The following PLS1 variants were observed in gnomAD, a reference collection of about 807,000 sequenced individuals.
PLS1 encodes the protein plastin 1.
Under a neutral mutation model 73.7 loss-of-function variants are expected in PLS1, and 32 were observed. The ratio of observed to expected loss-of-function variants is 0.43; its 90% CI spans 0.33 to 0.58. The LOEUF (loss-of-function observed/expected upper bound fraction) is 0.58, where lower values mean the gene tolerates loss of function less well. Among genes scored for constraint, PLS1 ranks in the 20% least tolerant of loss-of-function variants. The probability of loss-of-function intolerance (pLI) is 0.04; values close to 1 mark genes in which losing one functional copy is unlikely to be tolerated. For missense variants in PLS1, 633 were observed against 740.5 expected (o/e 0.85, Z 1.68); for synonymous variants, 217 against 261.3 (o/e 0.83, Z 1.63).
At chr3:142,685,002 T>A (rs2037934448) in intron 8 of PLS1, among the ~76,000 whole-genome samples, 1 of 152,208 alleles carries the variant, frequency 6.6e-6, no homozygotes, top group Non-Finnish European at 1.5e-5. Context: ...TTCTTCTCTC[T>A]GTTTCTTTAT....
intron 1 of PLS1, among the ~76,000 whole-genome samples, chr3:142,662,301 A>C (rs1189817664): frequency 2.6e-5 from 4 of 152,196 alleles, no homozygotes; most frequent in African/African-American, 9.6e-5. Context: ...TTCTCAGCAA[A>C]CTAACACAAG....
At position 142,660,049 on chromosome 3, in the gene PLS1, C is replaced by A. The variant is rs1001103105; in HGVS notation, c.-36-4153C>A. ...GATAAAATTGGATTTGATCTTTTAT[C>A]CTCCCTCAGATTTCTTCCTTGAGCC... On this transcript the variant is annotated intron_variant, in intron 1 of 15. Coordinates refer to ENST00000457734, the MANE Select transcript of PLS1 (RefSeq NM_001145319.2). Among the ~76,000 whole-genome samples, 7 of 152,174 alleles carry A rather than the reference C, an allele frequency of 4.6e-5. No homozygotes were observed. The East Asian group carries it at 1.2e-3, about 25-fold the overall frequency.
chr3:142,710,335 A>G (rs1933057420), intron 14 of PLS1, among the ~76,000 whole-genome samples: 8 of 152,136 alleles, frequency 5.3e-5, no homozygotes, highest in Admixed American at 1.3e-4. Context: ...ACATAGGCCC[A>G]AATTAAATTA....
chr3:142,628,329 G>A (rs1013814558), intron 1 of PLS1, among the ~76,000 whole-genome samples: 5 of 150,210 alleles, frequency 3.3e-5, no homozygotes, highest in East Asian at 3.9e-4. Flanking sequence ...CCAGAATATA[G>A]TGTGTGTGTG....
At chr3:142,687,538 T>C (rs2037996656) in intron 9 of PLS1, among the ~76,000 whole-genome samples, 1 of 152,188 alleles carries the variant, frequency 6.6e-6, no homozygotes, top group Admixed American at 6.6e-5. Context: ...CAAATCATTT[T>C]AAGTAAAAAA....
At chr3:142,707,060 G>A (rs1485611265) in intron 14 of PLS1, among the ~76,000 whole-genome samples, 1 of 152,196 alleles carries the variant, frequency 6.6e-6, no homozygotes, top group Non-Finnish European at 1.5e-5. Context: ...AGCAACCCTA[G>A]AGAACAGCCG....
chr3:142,704,608 A>AT, intron 14 of PLS1, 22 bp downstream of exon 14: 1 of 1,389,136 alleles, frequency 7.2e-7, no homozygotes, highest in Non-Finnish European at 9.7e-7. Context: ...TCCTAAAAAA[A>AT]ATTTTTTTTT....
At position 142,596,631 on chromosome 3, in the gene PLS1, G is replaced by A. The variant is rs192275612; in HGVS notation, c.-37+122G>A. 7.9e-3 allele frequency: 1,211 copies of A among 152,546 alleles called. 9 individuals carry two copies. The highest frequency in any genetic ancestry group is 0.017 in the South Asian group (82 of 4,834). The allele number at this position is 152,546 out of a possible 1,614,324, so 9.4% of individuals were successfully genotyped here. A position where few individuals can be genotyped will look rare whatever the true frequency, so the allele number is the denominator to read the frequency against. On this transcript the variant is annotated intron_variant, in intron 1 of 15. Transcript: ENST00000457734. ...AGTATCTCCGGGTCCCCTCGCTCGCGTCTCGTCTCCTGGCTGTGCAGTGTG... is the reference window on the plus strand; with the variant it reads ...AGTATCTCCGGGTCCCCTCGCTCGCATCTCGTCTCCTGGCTGTGCAGTGTG...
At chr3:142,711,756 C>T in intron 15 of PLS1, 116 bp from the exon 16 acceptor site, 1 of 1,358,256 alleles carries the variant, frequency 7.4e-7, no homozygotes, top group Non-Finnish European at 1.0e-6. Flanking sequence ...ATTTAAGACT[C>T]ACAAACTTAA....
chr3:142,602,811 G>GGC (rs61698583), intron 1 of PLS1, among the ~76,000 whole-genome samples: 2 of 152,034 alleles, frequency 1.3e-5, no homozygotes, highest in Non-Finnish European at 2.9e-5. Flanking sequence ...GTGTTCCCAG[G>GGC]ATATGAAAGG....
At chr3:142,647,692 C>T (rs532750422) in intron 1 of PLS1, among the ~76,000 whole-genome samples, 1 of 152,002 alleles carries the variant, frequency 6.6e-6, no homozygotes, top group Non-Finnish European at 1.5e-5. Flanking sequence ...TTAGTAGAGA[C>T]GGGGTTTCGT....
At chr3:142,701,895 A>G (rs531780988) in intron 12 of PLS1, among the ~76,000 whole-genome samples, 5 of 152,378 alleles carry the variant, frequency 3.3e-5, no homozygotes, top group Admixed American at 2.6e-4. Context: ...ACAGTGTTAA[A>G]TAATTCAAGT....
chr3:142,602,600 C>A (rs948814484), intron 1 of PLS1, among the ~76,000 whole-genome samples: 1 of 147,072 alleles, frequency 6.8e-6, no homozygotes, highest in Non-Finnish European at 1.5e-5. Flanking sequence ...AATTTAAAGG[C>A]CCCCCCCACC....
intron 1 of PLS1, among the ~76,000 whole-genome samples, chr3:142,615,948 A>C (rs748589314): frequency 7.9e-5 from 12 of 151,396 alleles, no homozygotes; most frequent in Non-Finnish European, 1.8e-4. Context: ...TGAATCAAAG[A>C]TTGTGGAGGA....
chr3:142,619,115 A>T (rs927708159), intron 1 of PLS1, among the ~76,000 whole-genome samples: 9 of 152,228 alleles, frequency 5.9e-5, no homozygotes, highest in Admixed American at 1.3e-4. Context: ...AAAACATTTC[A>T]GGGCCAGATT....
chr3:142,698,330 C>CT (rs1176102006), intron 12 of PLS1: 7 of 276,042 alleles, frequency 2.5e-5, no homozygotes, highest in African/African-American at 9.0e-5. Flanking sequence ...TAAATGTATT[C>CT]TTTTTTTACA....
chr3:142,701,842 T>C (rs1428594942), intron 12 of PLS1, among the ~76,000 whole-genome samples: 2 of 152,202 alleles, frequency 1.3e-5, no homozygotes, highest in Non-Finnish European at 2.9e-5. Context: ...CCCACTGAAC[T>C]GGGTGTCCAT....
At chr3:142,636,733 CAA>C (rs1165666730) in intron 1 of PLS1, among the ~76,000 whole-genome samples, 1 of 152,084 alleles carries the variant, frequency 6.6e-6, no homozygotes, top group Admixed American at 6.6e-5. Context: ...ACTAAGAAAA[CAA>C]AATGCACAAT....
intron 6 of PLS1, among the ~76,000 whole-genome samples, chr3:142,680,975 T>C (rs2037840698): frequency 6.6e-6 from 1 of 152,156 alleles, no homozygotes; most frequent in South Asian, 2.1e-4. Context: ...CTATTAAAAT[T>C]CAGCTACTGT....
Sources: allele counts gnomAD v4.1 joint callset (sites outside exome capture counted in the v4.1 genomes callset), GRCh38; gene constraint gnomAD v4.1.1; transcripts MANE v1.5; gene names NCBI Gene and HGNC (gene_info 2026-07-23, HGNC 2026-07-21).